The following PLB1 variants were observed in gnomAD, a reference collection of about 807,000 sequenced individuals.
PLB1 encodes phospholipase B1, also known as phospholipase B1, membrane-associated.
A neutral mutation model predicts 227.4 loss-of-function variants in PLB1; 242 were observed. That is an observed-to-expected ratio of 1.06 (90% CI 0.96 to 1.18). The LOEUF is 1.18. PLB1 is among the 50% of genes most tolerant of loss of function. The pLI is 0.00. For missense variants in PLB1, 1,858 were observed against 1,816.3 expected, an observed-to-expected ratio of 1.02 and a Z score of -0.42; for synonymous variants, 757 against 682.2, an observed-to-expected ratio of 1.11 and a Z score of -1.71.
intron 57 of PLB1, among the ~76,000 whole-genome samples, chr2:28,641,628 C>A (rs1689985738): frequency 6.6e-6 from 1 of 152,122 alleles, no homozygotes; most frequent in Non-Finnish European, 1.5e-5. Context: ...CATCAAGCAG[C>A]TGTCCCGTGC....
chr2:28,621,555 C>T (rs1233981937), intron 49 of PLB1, among the ~76,000 whole-genome samples: 1 of 152,162 alleles, frequency 6.6e-6, no homozygotes, highest in Non-Finnish European at 1.5e-5. Context: ...GACAACAACT[C>T]AGATAATTAA....
At chr2:28,519,566 A>G in intron 3 of PLB1, 139 bp from the exon 4 acceptor site, 1 of 639,898 alleles carries the variant, frequency 1.6e-6, no homozygotes, top group Non-Finnish European at 2.8e-6. Context: ...TTGGCATTCC[A>G]CTTCCATGGC....
At chr2:28,514,337 A>AG (rs1216336487) in intron 1 of PLB1, among the ~76,000 whole-genome samples, 3 of 152,136 alleles carry the variant, frequency 2.0e-5, no homozygotes, top group Admixed American at 2.0e-4. Flanking sequence ...TCTTGATCAC[A>AG]GTAGCTTTAT....
At chr2:28,539,757 G>T (rs1413898621) in intron 11 of PLB1, among the ~76,000 whole-genome samples, 1 of 151,798 alleles carries the variant, frequency 6.6e-6, no homozygotes, top group African/African-American at 2.4e-5. Context: ...ATGCAAGACA[G>T]AGAAGGTACA....
chr2:28,601,849 C>T, intron 37 of PLB1, 50 bp from the exon 38 acceptor site: 1 of 1,479,088 alleles, frequency 6.8e-7, no homozygotes, highest in Non-Finnish European at 9.5e-7. Flanking sequence ...GCCCCACTGC[C>T]CTCCCACCCT....
intron 1 of PLB1, among the ~76,000 whole-genome samples, chr2:28,501,122 A>C (rs1049672877): frequency 3.3e-5 from 5 of 152,206 alleles, no homozygotes; most frequent in Non-Finnish European, 7.3e-5. Context: ...TTCTTTTTTA[A>C]AAACATCCAA....
intron 33 of PLB1, 165 bp downstream of exon 33, chr2:28,593,919 G>T (rs2148288558): frequency 2.7e-6 from 2 of 741,958 alleles, no homozygotes; most frequent in East Asian, 5.0e-5. Context: ...CATTTGGTGA[G>T]TGGAGAGGAT....
chr2:28,539,250 C>T, intron 11 of PLB1, 72 bp downstream of exon 11: 1 of 1,341,058 alleles, frequency 7.5e-7, no homozygotes, highest in Non-Finnish European at 1.1e-6. Context: ...GGGGGCCCTT[C>T]ATGTGCCGTA....
At chr2:28,523,045 T>G (rs1343074320) in intron 4 of PLB1, among the ~76,000 whole-genome samples, 1 of 152,206 alleles carries the variant, frequency 6.6e-6, no homozygotes, top group Non-Finnish European at 1.5e-5. Context: ...AACTAGCATT[T>G]GTTAATTGCT....
In PLB1 at chr2:28,516,886, G is replaced by GT; in HGVS notation, c.117+18dup. Reference sequence around the variant, plus strand: ...TGGCCAGAGGTAAGGGCTTTGGCTGGTGGGAGGTGCGTGTGTATGGAGGGG... The same window carrying GT: ...TGGCCAGAGGTAAGGGCTTTGGCTGGTTGGGAGGTGCGTGTGTATGGAGGGG... On this transcript the variant is annotated intron_variant, in intron 2 of 57. Transcript: ENST00000327757. 6.2e-7 allele frequency: 1 copy of GT among 1,611,664 alleles called. No homozygotes were observed. The highest frequency in any genetic ancestry group is 8.5e-7 in the Non-Finnish European group (1 of 1,177,830).
rs141867481 is a variant in PLB1 at position 28,505,624 on chromosome 2, C to A, written c.55+9455C>A. ...AACTCATTGAGTGAGAAAAGGATAC[C>A]TTTTCATTACTAAAACAAGCTAGGT... On this transcript the variant is annotated intron_variant, in intron 1 of 57. Coordinates refer to ENST00000327757, the MANE Select transcript of PLB1 (RefSeq NM_153021.5). 3.3e-4 allele frequency among the ~76,000 whole-genome samples: 51 copies of A among 152,266 alleles called. No homozygotes were observed. In the Middle Eastern group the frequency reaches 0.01, roughly 30 times the overall value.
intron 16 of PLB1, among the ~76,000 whole-genome samples, chr2:28,550,942 G>A (rs1013140860): frequency 4.6e-5 from 7 of 152,178 alleles, no homozygotes; most frequent in Admixed American, 4.6e-4. Flanking sequence ...GGGGGAGGGA[G>A]AAGGATCCAG....
intron 35 of PLB1, among the ~76,000 whole-genome samples, chr2:28,599,752 A>G (rs1573326938): frequency 6.6e-6 from 1 of 152,082 alleles, no homozygotes; most frequent in Non-Finnish European, 1.5e-5. Flanking sequence ...AGTAGCTGGG[A>G]TTACAGGCTT....
At chr2:28,525,371 G>T in intron 5 of PLB1, 64 bp downstream of exon 5, 1 of 1,537,016 alleles carries the variant, frequency 6.5e-7, no homozygotes, top group South Asian at 1.2e-5. Flanking sequence ...TAATCTTCTT[G>T]CCTTATTAAT....
intron 8 of PLB1, 127 bp from the exon 9 acceptor site, chr2:28,531,981 G>T: frequency 1.4e-6 from 1 of 712,968 alleles, no homozygotes. Flanking sequence ...TACTACTATT[G>T]AAAAAAATTC....
Position 28,626,428 on chromosome 2 carries a change from G to C in PLB1, c.3580G>C (p.Asp1194His). Residue 1194 changes from aspartate to histidine, a missense_variant and splice_region_variant, in exon 51 of 58, where the codon GAC (aspartate) becomes CAC (histidine). Transcript: ENST00000327757. ...AACTCAGGATCTTCTGTCCCCTCAG[G>C]ACATCAACCTGGAGAAAGACTGGAA... Reference protein sequence around the residue: ...DLVERMKNSPDINLEKDWKLV... With the variant: ...DLVERMKNSPHINLEKDWKLV... The C allele has an allele frequency of 6.2e-7, 1 of 1,613,910 alleles. No individual in the cohort carries two copies. The highest frequency in any genetic ancestry group is 8.5e-7 in the Non-Finnish European group (1 of 1,179,786).
chr2:28,506,022 A>G (rs1305870128), intron 1 of PLB1, among the ~76,000 whole-genome samples: 1 of 152,154 alleles, frequency 6.6e-6, no homozygotes, highest in Non-Finnish European at 1.5e-5. Context: ...CTTTCCTGGG[A>G]TGTCATCTGT....
intron 14 of PLB1, 70 bp from the exon 15 acceptor site, chr2:28,548,790 C>T (rs1673715191): frequency 6.8e-7 from 1 of 1,463,554 alleles, no homozygotes; most frequent in East Asian, 2.3e-5. Context: ...ATGAGTCTTT[C>T]TCACTGGTGA....
At chr2:28,562,601 T>C (rs1432367411) in intron 17 of PLB1, among the ~76,000 whole-genome samples, 1 of 149,186 alleles carries the variant, frequency 6.7e-6, no homozygotes, top group Non-Finnish European at 1.5e-5. Context: ...TTAGAGAAAC[T>C]GAACTGATTT....
Sources: gnomAD v4.1 joint callset for allele counts (sites outside exome capture counted in the v4.1 genomes callset) on GRCh38, gnomAD v4.1.1 for gene constraint, MANE v1.5 for transcripts, NCBI Gene and HGNC (gene_info 2026-07-23, HGNC 2026-07-21) for gene names.